TMPRSS2: variants seen among roughly 807,000 people sequenced by gnomAD.
The protein encoded by TMPRSS2 is transmembrane serine protease 2.
A neutral mutation model predicts 67.4 loss-of-function variants in TMPRSS2; 59 were observed. That is an observed-to-expected ratio of 0.88 (90% CI 0.71 to 1.09). The LOEUF (loss-of-function observed/expected upper bound fraction) is 1.09. Ranked by LOEUF, TMPRSS2 falls within the 50% of genes least tolerant of loss-of-function variation. The pLI is 0.00. For synonymous variants in TMPRSS2, 257 were observed against 257.0 expected, an observed-to-expected ratio of 1.00 and a Z score of 0.00; for missense variants, 668 against 642.7, an observed-to-expected ratio of 1.04 and a Z score of -0.43.
At chr21:41,487,682 A>T (rs1316057681) in intron 5 of TMPRSS2, 3 of 152,246 alleles carry the variant, frequency 2.0e-5, no homozygotes, top group Non-Finnish European at 4.4e-5. Flanking sequence ...AAAATGAATA[A>T]ATAGATAAAC....
intron 3 of TMPRSS2, among the ~76,000 whole-genome samples, chr21:41,492,832 C>A (rs1192087316): frequency 6.6e-6 from 1 of 152,202 alleles, no homozygotes; most frequent in Non-Finnish European, 1.5e-5. Flanking sequence ...GGTGGGAACA[C>A]CACCGTCTGG....
At chr21:41,493,944 C>T (rs774630819) in intron 3 of TMPRSS2, among the ~76,000 whole-genome samples, 15 of 152,256 alleles carry the variant, frequency 9.9e-5, no homozygotes, top group African/African-American at 1.2e-4. Flanking sequence ...GCATCTTAAA[C>T]ATGACCTGTC....
intron 5 of TMPRSS2, among the ~76,000 whole-genome samples, chr21:41,484,159 T>C (rs532159311): frequency 6.6e-6 from 1 of 152,324 alleles, no homozygotes; most frequent in African/African-American, 2.4e-5. Flanking sequence ...TACAGCGTGA[T>C]GACTGGATAT....
chr21:41,492,963 G>A (rs2091349672), intron 3 of TMPRSS2, among the ~76,000 whole-genome samples: 1 of 152,206 alleles, frequency 6.6e-6, no homozygotes. Context: ...AAGATCAGGA[G>A]TTCCCAACCT....
intron 1 of TMPRSS2, among the ~76,000 whole-genome samples, chr21:41,500,132 G>A (rs144318842): frequency 1.5e-3 from 226 of 152,240 alleles, no homozygotes; most frequent in African/African-American, 4.6e-3. Context: ...CCAAACTCAG[G>A]CTCAGCCACT....
At chr21:41,504,825 C>A (rs1393290029) in intron 1 of TMPRSS2, among the ~76,000 whole-genome samples, 1 of 152,192 alleles carries the variant, frequency 6.6e-6, no homozygotes, top group Non-Finnish European at 1.5e-5. Flanking sequence ...TGACTCCATA[C>A]AGGCCTCAGC....
intron 5 of TMPRSS2, among the ~76,000 whole-genome samples, chr21:41,483,960 T>C (rs946582135): frequency 1.3e-4 from 20 of 151,908 alleles, no homozygotes; most frequent in African/African-American, 3.9e-4. Flanking sequence ...AAAATATAAA[T>C]ATATATGCAT....
intron 1 of TMPRSS2, among the ~76,000 whole-genome samples, chr21:41,507,065 A>C (rs1196029919): frequency 6.6e-6 from 1 of 152,202 alleles, no homozygotes; most frequent in Non-Finnish European, 1.5e-5. Flanking sequence ...GGCGTTCTGA[A>C]CAGGATTCAG....
Position 41,468,514 on chromosome 21 carries a change from G to A in TMPRSS2, c.1196C>T (p.Ala399Val), listed in dbSNP as rs1010522113. ...EKGKTSEVLN[A>V]AKVLLIETQR... Reference sequence around the variant, plus strand: ...TGTCTCAATGAGAAGCACCTTGGCAGCGTTCAGCACTTCTGAGGTCTTCCC... The same window carrying A: ...TGTCTCAATGAGAAGCACCTTGGCAACGTTCAGCACTTCTGAGGTCTTCCC... The change falls in exon 12 of 14, where the codon GCT becomes GTT. Residue 399 changes from alanine (A) to valine (V), a missense_variant. By Grantham distance (64) the Ala-to-Val change is moderately conservative (BLOSUM62 0). Coordinates refer to ENST00000332149, the MANE Select transcript of TMPRSS2 (RefSeq NM_005656.4). 5 of 1,614,038 alleles carry A rather than the reference G, an allele frequency of 3.1e-6. No individual in the cohort carries two copies. Among genetic ancestry groups the A allele is most frequent in the African/African-American group, 1.3e-5 (1 of 74,928 alleles).
At chr21:41,472,990 C>G (rs73372182) in intron 9 of TMPRSS2, among the ~76,000 whole-genome samples, 2 of 152,140 alleles carry the variant, frequency 1.3e-5, no homozygotes, top group Non-Finnish European at 2.9e-5. Flanking sequence ...ACTAGCGTCC[C>G]GGAGACAGGA....
At chr21:41,494,308 C>A (rs1252150403) in intron 3 of TMPRSS2, 48 bp downstream of exon 3, 6 of 1,600,340 alleles carry the variant, frequency 3.7e-6, no homozygotes, top group Non-Finnish European at 5.1e-6. Flanking sequence ...GGAGGTAGAC[C>A]CGGGACCCCG....
chr21:41,485,081 CGTGTGTGTGTGT>C (rs10668560), intron 5 of TMPRSS2, among the ~76,000 whole-genome samples: 59 of 140,350 alleles, frequency 4.2e-4, no homozygotes, highest in South Asian at 1.9e-3. Context: ...GGGAGTGATG[CGTGTGTGTGTGT>C]GTGTGTGTGT....
Position 41,489,529 on chromosome 21 carries a change from G to A in TMPRSS2, c.303C>T (p.Ala101=), listed in dbSNP as rs745767347. The stretch of plus-strand genomic sequence containing the variant: ...TACTGAACTTCCAGAGTAGGCCAGC[G>A]GCCAGCGCAGCTCCCACGAGGAAGG... ...LGTFLVGAAL[A]AGLLWKFMGS... Residue 101 remains alanine, a synonymous_variant, in exon 4 of 14, where the codon GCC becomes GCT. Transcript: ENST00000332149. 8.7e-6 allele frequency: 14 copies of A among 1,613,984 alleles called. No homozygotes were observed. Among genetic ancestry groups the A allele is most frequent in the African/African-American group, 5.3e-5 (4 of 74,908 alleles).
At chr21:41,476,461 C>A in intron 8 of TMPRSS2, 116 bp downstream of exon 8, 1 of 1,053,734 alleles carries the variant, frequency 9.5e-7, no homozygotes, top group African/African-American at 1.6e-5. Flanking sequence ...CACATTCCAA[C>A]CCGTGACCCC....
chr21:41,508,024 A>G, intron 1 of TMPRSS2, 57 bp downstream of exon 1: 1 of 1,346,042 alleles, frequency 7.4e-7, no homozygotes, highest in Non-Finnish European at 9.5e-7. Context: ...CCAGGCGCCC[A>G]GGTTCCCCTC....
At chr21:41,507,513 G>A (rs1413334375) in intron 1 of TMPRSS2, among the ~76,000 whole-genome samples, 1 of 152,176 alleles carries the variant, frequency 6.6e-6, no homozygotes, top group African/African-American at 2.4e-5. Flanking sequence ...TGGCCCAGCG[G>A]TCCCCGCCGC....
intron 7 of TMPRSS2, 42 bp downstream of exon 7, chr21:41,479,130 T>C: frequency 6.8e-7 from 1 of 1,472,860 alleles, no homozygotes; most frequent in Non-Finnish European, 9.5e-7. Flanking sequence ...GTCTCCTAGT[T>C]GATTTCATTC....
chr21:41,507,504 G>A lies in TMPRSS2; in HGVS notation c.-57+577C>T, dbSNP rs531884709. 3.9e-5 allele frequency among the ~76,000 whole-genome samples: 6 copies of A among 152,276 alleles called. No homozygotes were observed. In the South Asian group the frequency reaches 1.2e-3, roughly 32 times the overall value. ...TCGCCCGGGGGCCCTCCAGCAGCCTGGCCCAGCGGTCCCCGCCGCGCCGGC... is the reference window on the plus strand; with the variant it reads ...TCGCCCGGGGGCCCTCCAGCAGCCTAGCCCAGCGGTCCCCGCCGCGCCGGC... On this transcript the variant is annotated intron_variant, in intron 1 of 13. Transcript: ENST00000332149.
rs1332424770 is a variant in TMPRSS2, at chr21:41,492,195, A to C, written c.238+2161T>G. 2.7e-5 allele frequency among the ~76,000 whole-genome samples: 4 copies of C among 150,524 alleles called. No individual in the cohort carries two copies. The Admixed American group carries it at 2.7e-4, about 10-fold the overall frequency. On this transcript the variant is annotated intron_variant, in intron 3 of 13. Transcript: ENST00000332149. Reference sequence around the variant, plus strand: ...GTGACAGAGCGAGACTTTGTCTCAAAAAACAAACAAACAAACAAACAACAA... The same window carrying C: ...GTGACAGAGCGAGACTTTGTCTCAACAAACAAACAAACAAACAAACAACAA...
Sources: gnomAD v4.1 joint callset for allele counts (sites outside exome capture counted in the v4.1 genomes callset) on GRCh38, gnomAD v4.1.1 for gene constraint, MANE v1.5 for transcripts, NCBI Gene and HGNC (gene_info 2026-07-23, HGNC 2026-07-21) for gene names.